The following EHD4 variants were observed in gnomAD, a reference collection of about 807,000 sequenced individuals.
EHD4 encodes the protein EH domain containing 4.
A neutral mutation model predicts 51.0 loss-of-function variants in EHD4; 37 were observed. The observed-to-expected ratio is 0.73, with a 90% CI of 0.56 to 0.95. The LOEUF is 0.95. EHD4 is among the 40% of genes least tolerant of loss of function. EHD4 has a pLI of 0.00. For synonymous variants in EHD4, 297 were observed against 317.3 expected (o/e 0.94, Z 0.68); for missense variants, 632 against 733.1 (o/e 0.86, Z 1.59).
At chr15:41,963,744 A>G (rs1343658265) in intron 1 of EHD4, among the ~76,000 whole-genome samples, 2 of 152,194 alleles carry the variant, frequency 1.3e-5, no homozygotes, top group African/African-American at 4.8e-5. Context: ...TGCATGGAAA[A>G]ACTATTACAA....
intron 5 of EHD4, among the ~76,000 whole-genome samples, chr15:41,903,329 T>A (rs1171299163): frequency 3.7e-5 from 5 of 136,080 alleles, no homozygotes; most frequent in South Asian, 2.3e-4. Context: ...TGCTTTCTTG[T>A]AAAAAAAAAA....
At chr15:41,937,199 C>T (rs527760980) in intron 3 of EHD4, among the ~76,000 whole-genome samples, 5 of 152,210 alleles carry the variant, frequency 3.3e-5, no homozygotes, top group Admixed American at 6.5e-5. Flanking sequence ...AGGACAAATT[C>T]GAGTCTCCTG....
intron 3 of EHD4, among the ~76,000 whole-genome samples, chr15:41,920,425 A>G (rs1441101663): frequency 6.6e-6 from 1 of 152,226 alleles, no homozygotes; most frequent in Non-Finnish European, 1.5e-5. Flanking sequence ...AAAGCAAACA[A>G]GAGGAGGCCA....
At chr15:41,962,364 T>C (rs769543479) in intron 1 of EHD4, among the ~76,000 whole-genome samples, 1 of 152,110 alleles carries the variant, frequency 6.6e-6, no homozygotes, top group Non-Finnish European at 1.5e-5. Flanking sequence ...TAAAAAGTAT[T>C]TCAAAGTGAC....
chr15:41,953,971 G>A, intron 1 of EHD4, 31 bp from the exon 2 acceptor site: 1 of 1,603,556 alleles, frequency 6.2e-7, no homozygotes. Context: ...AGAAAGCTTA[G>A]CATCTTATCA....
chr15:41,905,426 C>T (rs985700609), intron 5 of EHD4, among the ~76,000 whole-genome samples: 4 of 152,174 alleles, frequency 2.6e-5, no homozygotes, highest in African/African-American at 9.7e-5. Context: ...TATGGCCTTA[C>T]ACTAACTTAC....
chr15:41,935,013 G>C (rs1292345848), intron 3 of EHD4, among the ~76,000 whole-genome samples: 1 of 152,010 alleles, frequency 6.6e-6, no homozygotes, highest in South Asian at 2.1e-4. Flanking sequence ...AGCAGGTGGC[G>C]GGGGGGCCTC....
At chr15:41,971,785 G>T (rs2067997566) in intron 1 of EHD4, among the ~76,000 whole-genome samples, 1 of 152,180 alleles carries the variant, frequency 6.6e-6, no homozygotes, top group African/African-American at 2.4e-5. Context: ...AGGGAAGGGG[G>T]CCTGGGCGAT....
chr15:41,938,460 C>A (rs1262097806), intron 3 of EHD4, among the ~76,000 whole-genome samples: 1 of 152,238 alleles, frequency 6.6e-6, no homozygotes, highest in Non-Finnish European at 1.5e-5. Flanking sequence ...TTACTGTCCA[C>A]TGCTTTTACC....
chr15:41,943,883 A>G (rs1245662363), intron 2 of EHD4, among the ~76,000 whole-genome samples: 1 of 152,192 alleles, frequency 6.6e-6, no homozygotes, highest in South Asian at 2.1e-4. Flanking sequence ...GACACCCAAC[A>G]TCCTCCAGGT....
intron 1 of EHD4, among the ~76,000 whole-genome samples, chr15:41,964,770 A>C (rs201882614): frequency 1.4e-5 from 2 of 141,660 alleles, no homozygotes; most frequent in Non-Finnish European, 3.0e-5. Flanking sequence ...AAAAAAAAAA[A>C]AAATATATAT....
At chr15:41,923,819 C>T (rs1235327714) in intron 3 of EHD4, among the ~76,000 whole-genome samples, 2 of 152,224 alleles carry the variant, frequency 1.3e-5, no homozygotes, top group African/African-American at 4.8e-5. Flanking sequence ...GGAAACAGAA[C>T]TGAAACATGC....
chr15:41,970,631 G>C, intron 1 of EHD4, among the ~76,000 whole-genome samples: 1 of 152,222 alleles, frequency 6.6e-6, no homozygotes, highest in East Asian at 1.9e-4. Flanking sequence ...AGCAGAGAGA[G>C]GGCTGCATTA....
intron 3 of EHD4, 186 bp downstream of exon 3, chr15:41,942,881 T>A (rs2067783781): frequency 7.3e-6 from 4 of 549,950 alleles, no homozygotes; most frequent in Non-Finnish European, 1.3e-5. Flanking sequence ...TCTCACAGAA[T>A]ATAAGCCTCT....
rs749626163 is a variant in EHD4, at chr15:41,953,927, G to A, written c.250C>T (p.Gln84Ter). ...KTTFIRYLLE[Q>*]DFPGMRIGPE... The stretch of plus-strand genomic sequence containing the variant: ...CCAATCCTCATGCCTGGGAAATCCT[G>A]CTCCAGTAGGTATCTGGGAGAGGGA... Residue 84 changes from glutamine (Q) to a stop codon, truncating the protein, a stop_gained, in exon 2 of 6, where the codon CAG becomes TAG. Coordinates refer to ENST00000220325, the MANE Select transcript of EHD4 (RefSeq NM_139265.4). LOFTEE classifies it high-confidence loss of function. The A allele has an allele frequency of 1.2e-6, 2 of 1,612,502 alleles. No individual in the cohort carries two copies. The highest frequency in any genetic ancestry group is 8.5e-7 in the Non-Finnish European group (1 of 1,179,590).
intron 3 of EHD4, among the ~76,000 whole-genome samples, chr15:41,922,744 G>C (rs931390610): frequency 1.3e-5 from 2 of 152,358 alleles, no homozygotes; most frequent in South Asian, 2.1e-4. Flanking sequence ...ATTAGGAACA[G>C]AGCTGCCAGA....
At chr15:41,923,307 C>CAAA (rs2067639831) in intron 3 of EHD4, among the ~76,000 whole-genome samples, 1 of 152,180 alleles carries the variant, frequency 6.6e-6, no homozygotes, top group Non-Finnish European at 1.5e-5. Context: ...TAGCATGTGT[C>CAAA]AGAGTCTCTC....
intron 3 of EHD4, among the ~76,000 whole-genome samples, chr15:41,941,264 C>A (rs925790609): frequency 6.6e-6 from 1 of 152,112 alleles, no homozygotes; most frequent in Non-Finnish European, 1.5e-5. Context: ...TTCATGGAAC[C>A]CAAGTAGCTA....
chr15:41,953,677 G>A, intron 2 of EHD4, 87 bp downstream of exon 2: 1 of 1,405,230 alleles, frequency 7.1e-7, no homozygotes, highest in Non-Finnish European at 9.6e-7. Flanking sequence ...TTGTTCTTCT[G>A]TTTTTGAACC....
Sources: allele counts gnomAD v4.1 joint callset (sites outside exome capture counted in the v4.1 genomes callset), GRCh38; gene constraint gnomAD v4.1.1; transcripts MANE v1.5; gene names NCBI Gene and HGNC (gene_info 2026-07-23, HGNC 2026-07-21).